Variants in NT5C3A observed in about 807,000 individuals in gnomAD.
NT5C3A encodes the protein 5'-nucleotidase, cytosolic IIIA.
A neutral mutation model predicts 40.0 loss-of-function variants in NT5C3A; 23 were observed. The ratio of observed to expected loss-of-function variants is 0.58; its 90% CI spans 0.41 to 0.81. The LOEUF is 0.81. NT5C3A is among the 40% of genes least tolerant of loss of function. NT5C3A has a pLI of 0.00. For synonymous variants in NT5C3A, 130 were observed against 141.4 expected (o/e 0.92, Z 0.57); for missense variants, 328 against 403.0 (o/e 0.81, Z 1.59).
chr7:33,034,343 T>TGC (rs1786462888), intron 1 of NT5C3A, among the ~76,000 whole-genome samples: 1 of 152,108 alleles, frequency 6.6e-6, no homozygotes, highest in South Asian at 2.1e-4. Flanking sequence ...ACAAACACCT[T>TGC]CTAGAGGGCT....
At position 33,062,573 on chromosome 7, in the gene NT5C3A, C is replaced by G; in HGVS notation, c.133G>C (p.Glu45Gln). The change falls in exon 1 of 9, where the codon GAG becomes CAG. Residue 45 changes from glutamate (E) to glutamine (Q), a missense_variant. This residue lies in a region of NT5C3A where 280 missense variants were observed against 317.2 expected (regional missense o/e 0.88). Transcript: ENST00000610140. ...CGCCGAGCCTCCACACTCACCATCT[C>G]GATGATCTTGGTCTTCCGCCCCGTC... The part of the protein sequence containing the change: ...RKTGRKTKII[E>Q]MMPEFQKSSV... 2 of 1,610,192 alleles carry G rather than the reference C, an allele frequency of 1.2e-6. No homozygotes were observed. Among genetic ancestry groups the G allele is most frequent in the Non-Finnish European group, 1.7e-6 (2 of 1,178,942 alleles).
chr7:33,056,594 C>T lies in NT5C3A; in HGVS notation c.138+5974G>A, dbSNP rs948142220. On this transcript the variant is annotated intron_variant, in intron 1 of 8. Transcript: ENST00000610140. ...GGCTGAAGTGGGAGGACTGCTTGAG[C>T]CCACGAGTTTGAGGCTGCAGTGAGC... Among the ~76,000 whole-genome samples, 3 of 150,984 alleles carry T rather than the reference C, an allele frequency of 2.0e-5. No individual in the cohort carries two copies. In the Admixed American group the frequency reaches 2.0e-4, roughly 10 times the overall value.
intron 6 of NT5C3A, 37 bp from the exon 7 acceptor site, chr7:33,017,638 C>G: frequency 1.3e-6 from 2 of 1,512,676 alleles, no homozygotes; most frequent in Non-Finnish European, 9.2e-7. Flanking sequence ...TATTAAAGAG[C>G]AAGATATAGT....
chr7:33,049,690 C>A (rs886096556), intron 1 of NT5C3A, among the ~76,000 whole-genome samples: 1 of 151,962 alleles, frequency 6.6e-6, no homozygotes, highest in Non-Finnish European at 1.5e-5. Flanking sequence ...TGACAACAGG[C>A]CGGGCACAGT....
chr7:33,061,141 G>C (rs1787757635), intron 1 of NT5C3A, among the ~76,000 whole-genome samples: 1 of 152,178 alleles, frequency 6.6e-6, no homozygotes, highest in African/African-American at 2.4e-5. Context: ...AGCACAGGCA[G>C]GGAGATATGG....
At chr7:33,060,217 T>C (rs1787722280) in intron 1 of NT5C3A, among the ~76,000 whole-genome samples, 1 of 152,166 alleles carries the variant, frequency 6.6e-6, no homozygotes, top group South Asian at 2.1e-4. Context: ...CCTCCAAAAG[T>C]GCTGGGATTG....
chr7:33,056,881 C>T (rs1045392976), intron 1 of NT5C3A, among the ~76,000 whole-genome samples: 2 of 151,994 alleles, frequency 1.3e-5, no homozygotes, highest in African/African-American at 2.4e-5. Context: ...GTGTGATCTC[C>T]GTTCACTGCA....
At chr7:33,014,879 CAAAT>C (rs748992378) in intron 8 of NT5C3A, 48 bp from the exon 9 acceptor site, 3 of 1,479,428 alleles carry the variant, frequency 2.0e-6, no homozygotes, top group Non-Finnish European at 2.8e-6. Flanking sequence ...GGCAAAGAAA[CAAAT>C]AATTTCAGTA....
intron 4 of NT5C3A, chr7:33,021,725 AC>A (rs1306576573): frequency 9.8e-6 from 4 of 409,102 alleles, no homozygotes; most frequent in African/African-American, 8.1e-5. Context: ...TTCCTCATCA[AC>A]TTAAAGGAGC....
chr7:33,035,255 G>A (rs993093111), intron 1 of NT5C3A, among the ~76,000 whole-genome samples: 3 of 146,124 alleles, frequency 2.1e-5, no homozygotes, highest in East Asian at 2.1e-4. Flanking sequence ...GTGCAGTGGC[G>A]CAATCTTGGC....
chr7:33,051,055 T>C (rs1378366721), intron 1 of NT5C3A, among the ~76,000 whole-genome samples: 1 of 152,224 alleles, frequency 6.6e-6, no homozygotes, highest in African/African-American at 2.4e-5. Context: ...CAACCTCTAA[T>C]TTAAAAGAGA....
At chr7:33,032,510 G>A (rs1266089237) in intron 1 of NT5C3A, among the ~76,000 whole-genome samples, 5 of 151,778 alleles carry the variant, frequency 3.3e-5, no homozygotes, top group South Asian at 4.2e-4. Context: ...AGGCTGGAGG[G>A]CAGTGGCGTG....
At chr7:33,023,922 C>T in intron 3 of NT5C3A, 117 bp downstream of exon 3, 1 of 701,902 alleles carries the variant, frequency 1.4e-6, no homozygotes, top group Non-Finnish European at 2.6e-6. Flanking sequence ...CAGGTCTCCT[C>T]ACTGTCAATG....
At chr7:33,032,779 G>A (rs1035817298) in intron 1 of NT5C3A, among the ~76,000 whole-genome samples, 1 of 151,700 alleles carries the variant, frequency 6.6e-6, no homozygotes, top group African/African-American at 2.4e-5. Flanking sequence ...TTTGAGACAA[G>A]GTCTCACTCT....
intron 6 of NT5C3A, among the ~76,000 whole-genome samples, chr7:33,019,245 G>C (rs1000032823): frequency 1.4e-5 from 2 of 144,004 alleles, no homozygotes; most frequent in Non-Finnish European, 1.5e-5. Flanking sequence ...AACAGAGAGA[G>C]ACCCTGTCTT....
chr7:33,044,345 TCA>T (rs1476289745), intron 1 of NT5C3A, among the ~76,000 whole-genome samples: 1 of 151,934 alleles, frequency 6.6e-6, no homozygotes, highest in Non-Finnish European at 1.5e-5. Flanking sequence ...AAGCACTGAA[TCA>T]AAGACACTGA....
At chr7:33,037,105 C>T (rs57697209) in intron 1 of NT5C3A, among the ~76,000 whole-genome samples, 7,544 of 152,216 alleles carry the variant, frequency 0.05, 423 homozygotes, top group African/African-American at 0.12. Context: ...CCACTGCGCC[C>T]GGCCTAAAAT....
intron 1 of NT5C3A, among the ~76,000 whole-genome samples, chr7:33,055,332 A>G (rs1158223894): frequency 6.6e-6 from 1 of 151,986 alleles, no homozygotes; most frequent in Non-Finnish European, 1.5e-5. Flanking sequence ...AAAAAAAAAA[A>G]GAAGACAGAA....
chr7:33,030,678 A>C (rs1445266111), intron 1 of NT5C3A, among the ~76,000 whole-genome samples: 1 of 152,188 alleles, frequency 6.6e-6, no homozygotes, highest in Admixed American at 6.5e-5. Context: ...AAATTCACTT[A>C]TTTTGACCAA....
Sources: gnomAD v4.1 joint callset for allele counts (sites outside exome capture counted in the v4.1 genomes callset) on GRCh38, gnomAD v4.1.1 for gene constraint, gnomAD v4.1.1 regional missense constraint, MANE v1.5 for transcripts, NCBI Gene and HGNC (gene_info 2026-07-23, HGNC 2026-07-21) for gene names.